TAS2R1: variants seen among roughly 807,000 people sequenced by gnomAD.
The protein encoded by TAS2R1 is taste 2 receptor member 1, also known as taste receptor type 2 member 1.
For synonymous variants in TAS2R1, 141 were observed against 134.2 expected (o/e 1.05, Z -0.35); for missense variants, 370 against 353.4 (o/e 1.05, Z -0.38).
At chr5:9,890,009 G>A in the TAS2R1 span, 1 of 152,146 alleles carries the variant, frequency 6.6e-6, no homozygotes, top group Non-Finnish European at 1.5e-5. Flanking sequence ...GAGCGGTCGG[G>A]GCTAAAGATA....
At chr5:9,675,761 C>T (rs1449423190) in intron 1 of TAS2R1, among the ~76,000 whole-genome samples, 1 of 152,074 alleles carries the variant, frequency 6.6e-6, no homozygotes, top group African/African-American at 2.4e-5. Context: ...TGTGTACAGA[C>T]TCTGAGATTT....
chr5:9,681,284 T>TG (rs1006627068), intron 1 of TAS2R1, among the ~76,000 whole-genome samples: 3 of 151,716 alleles, frequency 2.0e-5, no homozygotes, highest in African/African-American at 7.3e-5. Flanking sequence ...AAAATGGGTG[T>TG]GGGGCATATG....
At chr5:9,763,951 C>G in the TAS2R1 span, among the ~76,000 whole-genome samples, 1 of 152,110 alleles carries the variant, frequency 6.6e-6, no homozygotes, top group Non-Finnish European at 1.5e-5. Flanking sequence ...GAAAATAATG[C>G]AAGAATCTAA....
At chr5:9,774,932 C>T in the TAS2R1 span, among the ~76,000 whole-genome samples, 8 of 152,356 alleles carry the variant, frequency 5.3e-5, no homozygotes, top group East Asian at 1.4e-3. Flanking sequence ...CACTGCCCAG[C>T]TACCACCAAT....
the TAS2R1 span, among the ~76,000 whole-genome samples, chr5:9,799,253 T>C: frequency 6.6e-6 from 1 of 152,252 alleles, no homozygotes; most frequent in Non-Finnish European, 1.5e-5. Context: ...CTGACACTTT[T>C]TCATTCACAA....
At chr5:9,818,785 G>A in the TAS2R1 span, among the ~76,000 whole-genome samples, 2 of 152,240 alleles carry the variant, frequency 1.3e-5, no homozygotes, top group Admixed American at 6.5e-5. Flanking sequence ...CTCTTGATGG[G>A]AGGAAGCATA....
intron 2 of TAS2R1, among the ~76,000 whole-genome samples, chr5:9,652,498 G>A (rs1452285323): frequency 2.6e-5 from 4 of 152,198 alleles, no homozygotes; most frequent in Non-Finnish European, 4.4e-5. Flanking sequence ...ATTCCAAGGA[G>A]CTATAGGGAG....
the TAS2R1 span, among the ~76,000 whole-genome samples, chr5:9,879,655 C>T: frequency 4.6e-5 from 7 of 152,202 alleles, no homozygotes; most frequent in African/African-American, 1.7e-4. Context: ...ACTTTATACA[C>T]TTGTTGTGGT....
At chr5:9,896,400 T>G in the TAS2R1 span, among the ~76,000 whole-genome samples, 1 of 152,182 alleles carries the variant, frequency 6.6e-6, no homozygotes, top group East Asian at 1.9e-4. Context: ...GAGGCTACAT[T>G]TTATACCAAA....
At chr5:9,787,555 G>A in the TAS2R1 span, among the ~76,000 whole-genome samples, 11 of 152,290 alleles carry the variant, frequency 7.2e-5, no homozygotes, top group Admixed American at 4.6e-4. Context: ...GCAAATGTTT[G>A]CTGATCTCTC....
the TAS2R1 span, among the ~76,000 whole-genome samples, chr5:9,830,281 A>G: frequency 1.3e-5 from 2 of 152,082 alleles, no homozygotes; most frequent in Non-Finnish European, 2.9e-5. Flanking sequence ...AGATATAGAC[A>G]GATGACAAAG....
chr5:9,782,881 TTCA>T, the TAS2R1 span, among the ~76,000 whole-genome samples: 12 of 152,278 alleles, frequency 7.9e-5, no homozygotes, highest in African/African-American at 2.9e-4. Flanking sequence ...TTTTACAAGC[TTCA>T]GTAAAACCCA....
chr5:9,749,651 G>A, the TAS2R1 span, among the ~76,000 whole-genome samples: 1 of 152,158 alleles, frequency 6.6e-6, no homozygotes, highest in African/African-American at 2.4e-5. Context: ...CTGTTGAAGG[G>A]CTCATTACCT....
the TAS2R1 span, among the ~76,000 whole-genome samples, chr5:9,897,612 A>T: frequency 6.6e-6 from 1 of 152,338 alleles, no homozygotes; most frequent in South Asian, 2.1e-4. Context: ...CTGAAATGAC[A>T]AAGTAGGCAT....
chr5:9,810,199 G>A, the TAS2R1 span, among the ~76,000 whole-genome samples: 1 of 152,182 alleles, frequency 6.6e-6, no homozygotes, highest in Non-Finnish European at 1.5e-5. Flanking sequence ...CCACCATCCA[G>A]TGAAAGGCAA....
chr5:9,827,600 A>AG, the TAS2R1 span, among the ~76,000 whole-genome samples: 20 of 46,896 alleles, frequency 4.3e-4, no homozygotes, highest in Admixed American at 9.5e-4. Context: ...GGTGGCATGC[A>AG]CACACACACA....
chr5:9,824,214 C>T, the TAS2R1 span, among the ~76,000 whole-genome samples: 2 of 152,250 alleles, frequency 1.3e-5, no homozygotes, highest in African/African-American at 4.8e-5. Flanking sequence ...ACCTATAAAA[C>T]TGACAGTAAT....
chr5:9,875,707 G>A, the TAS2R1 span, among the ~76,000 whole-genome samples: 2 of 152,168 alleles, frequency 1.3e-5, no homozygotes, highest in African/African-American at 4.8e-5. Context: ...AATGGGAGGA[G>A]GGATGTGTGG....
intron 2 of TAS2R1, among the ~76,000 whole-genome samples, chr5:9,654,853 T>C (rs973440167): frequency 1.3e-5 from 2 of 152,192 alleles, no homozygotes; most frequent in African/African-American, 2.4e-5. Context: ...GCCAACTTAT[T>C]ACGAAGTTAA....
Sources: gnomAD v4.1 joint callset for allele counts (sites outside exome capture counted in the v4.1 genomes callset) on GRCh38, gnomAD v4.1.1 for gene constraint, MANE v1.5 for transcripts, NCBI Gene and HGNC (gene_info 2026-07-23, HGNC 2026-07-21) for gene names.